GABRG2: variants seen among roughly 807,000 people sequenced by gnomAD.
The protein encoded by GABRG2 is gamma-aminobutyric acid type A receptor subunit gamma2.
Under a neutral mutation model 56.4 loss-of-function variants are expected in GABRG2, and 16 were observed. That is an observed-to-expected ratio of 0.28 (90% CI 0.19 to 0.43). The LOEUF is 0.43. Among genes scored for constraint, GABRG2 ranks in the 20% least tolerant of loss-of-function variants. The pLI is 1.00. For synonymous variants in GABRG2, 208 were observed against 205.5 expected, an observed-to-expected ratio of 1.01 and a Z score of -0.10; for missense variants, 327 against 582.7, an observed-to-expected ratio of 0.56 and a Z score of 4.52.
rs869191596 is a variant in GABRG2, at chr5:162,078,397, A to AT, written c.107+10318dup. The stretch of plus-strand genomic sequence containing the variant: ...TATATATATATATATATATATATAT[A>AT]TTTTTTTTTTTTTTTTTTTTTTTTT... On this transcript the variant is annotated intron_variant, in intron 1 of 9. Transcript: ENST00000639213. Among the ~76,000 whole-genome samples the AT allele has an allele frequency of 1.5e-3, 47 of 30,700 alleles. 3 individuals carry two copies. The highest frequency in any genetic ancestry group is 2.3e-3 in the Admixed American group (4 of 1,750). The allele number at this position is 30,700 out of a possible 152,430, so 20.1% of individuals were successfully genotyped here.
At chr5:162,142,753 G>A (rs1420836345) in intron 7 of GABRG2, 2 of 298,606 alleles carry the variant, frequency 6.7e-6, no homozygotes, top group East Asian at 8.5e-5. Flanking sequence ...CTGTTGTGGG[G>A]TGGAGGGATT....
At chr5:162,147,793 T>A (rs1018119929) in intron 7 of GABRG2, among the ~76,000 whole-genome samples, 1 of 152,202 alleles carries the variant, frequency 6.6e-6, no homozygotes, top group Non-Finnish European at 1.5e-5. Context: ...TTATTTTTCT[T>A]TTCTGTCCCC....
chr5:162,120,176 T>G (rs888570529), intron 6 of GABRG2, among the ~76,000 whole-genome samples: 1 of 152,114 alleles, frequency 6.6e-6, no homozygotes, highest in African/African-American at 2.4e-5. Flanking sequence ...GCTATATGTT[T>G]TATACTTGCC....
chr5:162,069,370 T>A (rs1368195512), intron 1 of GABRG2, among the ~76,000 whole-genome samples: 1 of 152,148 alleles, frequency 6.6e-6, no homozygotes, highest in South Asian at 2.1e-4. Flanking sequence ...ATAGAAAATA[T>A]CAAGACAGTG....
At chr5:162,144,246 T>C (rs1764790337) in intron 7 of GABRG2, among the ~76,000 whole-genome samples, 1 of 152,220 alleles carries the variant, frequency 6.6e-6, no homozygotes, top group Non-Finnish European at 1.5e-5. Flanking sequence ...TACACTTATG[T>C]ATGGCTGGAG....
chr5:162,075,781 A>C (rs1194301888), intron 1 of GABRG2, among the ~76,000 whole-genome samples: 2 of 152,156 alleles, frequency 1.3e-5, no homozygotes, highest in Non-Finnish European at 2.9e-5. Flanking sequence ...ATGAACAAAC[A>C]AACCGTTTCC....
At chr5:162,124,764 G>A (rs145519862) in intron 6 of GABRG2, among the ~76,000 whole-genome samples, 89 of 151,864 alleles carry the variant, frequency 5.9e-4, no homozygotes, top group Middle Eastern at 3.4e-3. Flanking sequence ...GACACACAGT[G>A]CTAGAGATCC....
rs1561647296 is a variant in GABRG2, at chr5:162,109,418, A to ATT, written c.769+5393_769+5394insTT. Among the ~76,000 whole-genome samples the ATT allele has an allele frequency of 3.0e-3, 395 of 130,754 alleles. 2 individuals carry two copies. Among genetic ancestry groups the ATT allele is most frequent in the African/African-American group, 8.5e-3 (290 of 34,062 alleles). 85.8% of individuals were successfully genotyped at this position (130,754 alleles called of 152,430 possible). A position where few individuals can be genotyped will look rare whatever the true frequency, so the allele number is the denominator to read the frequency against. ...TATATATATATATATATATATATAT[A>ATT]TATATTTATTTATATAAAATGAAAA... is the stretch of plus-strand genomic sequence containing the variant. On this transcript the variant is annotated intron_variant, in intron 6 of 9. Transcript: ENST00000639213.
intron 3 of GABRG2, among the ~76,000 whole-genome samples, chr5:162,096,188 T>C (rs552019652): frequency 4.5e-4 from 68 of 152,174 alleles, no homozygotes; most frequent in African/African-American, 1.5e-3. Context: ...GAGAGATTGA[T>C]GTGCCAATCG....
intron 6 of GABRG2, among the ~76,000 whole-genome samples, chr5:162,105,874 C>T (rs1352435245): frequency 6.6e-6 from 1 of 151,614 alleles, no homozygotes; most frequent in Admixed American, 6.6e-5. Flanking sequence ...GTTCTTCATG[C>T]TTCCAGAATG....
At chr5:162,086,562 A>C (rs1760131015) in intron 1 of GABRG2, among the ~76,000 whole-genome samples, 1 of 152,028 alleles carries the variant, frequency 6.6e-6, no homozygotes, top group African/African-American at 2.4e-5. Context: ...AAATATTGCC[A>C]ATGTCCCAGA....
At position 162,097,775 on chromosome 5, in the gene GABRG2, C is replaced by A. The variant is rs1250357926; in HGVS notation, c.465C>A (p.Ser155=). Residue 155 remains serine, a synonymous_variant, in exon 4 of 10, where the codon TCC becomes TCA. Coordinates refer to ENST00000639213, the MANE Select transcript of GABRG2 (RefSeq NM_198904.4). ...IWIPDTFFRN[S]KKADAHWITT... is the part of the protein sequence containing the mutation. ...TTCCAGACACTTTCTTCAGAAATTC[C>A]AAAAAAGCTGATGCACACTGGATCA... 6 of 1,613,556 alleles carry A rather than the reference C, an allele frequency of 3.7e-6. No homozygotes were observed. The highest frequency in any genetic ancestry group is 5.1e-6 in the Non-Finnish European group (6 of 1,179,866).
chr5:162,080,269 G>C (rs1430180530), intron 1 of GABRG2, among the ~76,000 whole-genome samples: 1 of 152,124 alleles, frequency 6.6e-6, no homozygotes, highest in Non-Finnish European at 1.5e-5. Context: ...TACAAGTGTG[G>C]TGTGTTGAAA....
chr5:162,099,360 A>G (rs1330018008), intron 4 of GABRG2: 2 of 152,096 alleles, frequency 1.3e-5, no homozygotes, highest in Admixed American at 6.6e-5. Flanking sequence ...TCTACCTCCC[A>G]GAGGTTCAAG....
chr5:162,117,701 A>G (rs973568423), intron 6 of GABRG2, among the ~76,000 whole-genome samples: 1 of 152,132 alleles, frequency 6.6e-6, no homozygotes, highest in South Asian at 2.1e-4. Flanking sequence ...CTAATTAACA[A>G]GTGTAGGGGA....
At chr5:162,104,745 T>C (rs939981435) in intron 6 of GABRG2, among the ~76,000 whole-genome samples, 1 of 134,394 alleles carries the variant, frequency 7.4e-6, no homozygotes, top group African/African-American at 2.9e-5. Context: ...TGCATGATAA[T>C]ATGGTCAGGA....
At chr5:162,135,556 TA>T (rs1264910745) in intron 6 of GABRG2, among the ~76,000 whole-genome samples, 2 of 152,198 alleles carry the variant, frequency 1.3e-5, no homozygotes, top group Non-Finnish European at 2.9e-5. Context: ...ACTCATAAAA[TA>T]ATTATAATCT....
intron 6 of GABRG2, among the ~76,000 whole-genome samples, chr5:162,112,145 GA>G (rs201518787): frequency 1.3e-5 from 2 of 151,790 alleles, no homozygotes; most frequent in African/African-American, 2.4e-5. Flanking sequence ...CTTGTTCTTT[GA>G]AAAAAATCAA....
chr5:162,081,358 A>G (rs1197037601), intron 1 of GABRG2, among the ~76,000 whole-genome samples: 3 of 152,092 alleles, frequency 2.0e-5, no homozygotes, highest in Non-Finnish European at 4.4e-5. Context: ...ATACAGCATA[A>G]TTGACCTCTT....
Sources: allele counts gnomAD v4.1 joint callset (sites outside exome capture counted in the v4.1 genomes callset), GRCh38; gene constraint gnomAD v4.1.1; transcripts MANE v1.5; gene names NCBI Gene and HGNC (gene_info 2026-07-23, HGNC 2026-07-21).